Variants in DCLK1 observed in about 807,000 individuals in gnomAD.
The protein encoded by DCLK1 is doublecortin like kinase 1.
Under a neutral mutation model 86.2 loss-of-function variants are expected in DCLK1, and 16 were observed. The ratio of observed to expected loss-of-function variants is 0.19; its 90% confidence interval spans 0.13 to 0.28. The LOEUF is 0.28. Among genes scored for constraint, DCLK1 ranks in the 10% least tolerant of loss-of-function variants. DCLK1 has a pLI of 1.00. For missense variants in DCLK1, 590 were observed against 940.2 expected, an observed-to-expected ratio of 0.63 and a Z score of 4.87; for synonymous variants, 369 against 370.5, an observed-to-expected ratio of 1.00 and a Z score of 0.05.
At chr13:35,807,006 A>G (rs955101524) in intron 14 of DCLK1, among the ~76,000 whole-genome samples, 1 of 152,230 alleles carries the variant, frequency 6.6e-6, no homozygotes, top group African/African-American at 2.4e-5. Context: ...ACAAAAGCAA[A>G]GGCATAAACA....
chr13:35,790,537 G>T (rs562664712), intron 16 of DCLK1, among the ~76,000 whole-genome samples: 1 of 152,252 alleles, frequency 6.6e-6, no homozygotes, highest in South Asian at 2.1e-4. Context: ...GGTAAAGGCG[G>T]TTTAAAATAC....
At position 36,073,246 on chromosome 13, in the gene DCLK1, C is replaced by A. The variant is rs140003247; in HGVS notation, c.723+38623G>T. 3.7e-3 allele frequency among the ~76,000 whole-genome samples: 558 copies of A among 152,298 alleles called. 14 individuals carry two copies. Among genetic ancestry groups the A allele is most frequent in the Admixed American group, 0.033 (508 of 15,300 alleles). On this transcript the variant is annotated intron_variant, in intron 3 of 16. Coordinates refer to ENST00000360631, the MANE Select transcript of DCLK1 (RefSeq NM_001330071.2). ...TCATGCCTGTTTGCAGTCATGCTAT[C>A]CTCCTACGTCCAGCCCCAGACAACC...
At chr13:35,945,180 G>T (rs746727987) in intron 4 of DCLK1, among the ~76,000 whole-genome samples, 1 of 152,146 alleles carries the variant, frequency 6.6e-6, no homozygotes, top group African/African-American at 2.4e-5. Context: ...GTTTACAGGC[G>T]TGAGCCACTG....
chr13:35,834,396 T>C (rs910133047), intron 8 of DCLK1, among the ~76,000 whole-genome samples: 3 of 151,992 alleles, frequency 2.0e-5, no homozygotes, highest in African/African-American at 7.2e-5. Context: ...ATTAGTGGAG[T>C]AAAGTGGTTA....
chr13:35,824,698 T>C (rs952186631), intron 10 of DCLK1, among the ~76,000 whole-genome samples: 3 of 152,162 alleles, frequency 2.0e-5, no homozygotes, highest in Non-Finnish European at 2.9e-5. Flanking sequence ...TTCCCACACA[T>C]TATGTCGCTA....
intron 2 of DCLK1, among the ~76,000 whole-genome samples, chr13:36,122,555 T>TA (rs1886028381): frequency 3.9e-5 from 6 of 152,234 alleles, no homozygotes; most frequent in Admixed American, 3.9e-4. Flanking sequence ...TCAAAGGCTT[T>TA]AAATGTGACA....
At chr13:35,986,234 G>A (rs1015075418) in intron 3 of DCLK1, among the ~76,000 whole-genome samples, 1 of 145,062 alleles carries the variant, frequency 6.9e-6, no homozygotes. Context: ...CCTGGGAGTC[G>A]GAGGTTGCAG....
intron 6 of DCLK1, chr13:35,846,287 GA>G (rs1870169856): frequency 6.1e-6 from 6 of 984,962 alleles, no homozygotes; most frequent in Non-Finnish European, 7.2e-6. Context: ...AGAGTTCTTA[GA>G]AAAAATAAAC....
chr13:35,825,030 T>C lies in DCLK1; in HGVS notation c.1408-2155A>G, dbSNP rs552494941. Among the ~76,000 whole-genome samples, 8 of 152,254 alleles carry C rather than the reference T, an allele frequency of 5.3e-5. No homozygotes were observed. The East Asian group carries it at 1.4e-3, about 26-fold the overall frequency. On this transcript the variant is annotated intron_variant, in intron 10 of 16. Coordinates refer to ENST00000360631, the MANE Select transcript of DCLK1 (RefSeq NM_001330071.2). ...CGAGGCCTGCCTTCCTCTGAACACA[T>C]AGGCAGCCTGCGTGTGCACCGCCTC...
At chr13:36,007,421 T>A (rs555550334) in intron 3 of DCLK1, among the ~76,000 whole-genome samples, 12 of 152,312 alleles carry the variant, frequency 7.9e-5, no homozygotes, top group African/African-American at 2.6e-4. Flanking sequence ...AGTCTTGAAT[T>A]TGCAAAATCT....
intron 2 of DCLK1, among the ~76,000 whole-genome samples, chr13:36,122,961 C>T (rs1009729614): frequency 6.6e-6 from 1 of 152,168 alleles, no homozygotes; most frequent in Non-Finnish European, 1.5e-5. Flanking sequence ...AAAACAGTGA[C>T]AGTGACCACA....
At chr13:35,896,840 T>C (rs1052512498) in intron 4 of DCLK1, among the ~76,000 whole-genome samples, 1 of 151,996 alleles carries the variant, frequency 6.6e-6, no homozygotes, top group African/African-American at 2.4e-5. Flanking sequence ...GACAGAGGTG[T>C]GTGGAGGGGG....
chr13:36,087,422 C>G (rs1884647690), intron 3 of DCLK1, among the ~76,000 whole-genome samples: 1 of 152,172 alleles, frequency 6.6e-6, no homozygotes, highest in Non-Finnish European at 1.5e-5. Context: ...GCAAAGGAGT[C>G]TGTGATCTTT....
At chr13:35,923,007 C>A (rs1327724768) in intron 4 of DCLK1, among the ~76,000 whole-genome samples, 1 of 152,186 alleles carries the variant, frequency 6.6e-6, no homozygotes, top group Non-Finnish European at 1.5e-5. Flanking sequence ...TCCTGGTTAC[C>A]TTTCCTTGTT....
rs184991455 is a variant in DCLK1 at position 35,956,357 on chromosome 13, T to A, written c.724-8900A>T. On this transcript the variant is annotated intron_variant, in intron 3 of 16. Coordinates refer to ENST00000360631, the MANE Select transcript of DCLK1 (RefSeq NM_001330071.2). The stretch of plus-strand genomic sequence containing the variant: ...GCTGAGAGGCAAACTTATATTCTAT[T>A]GCACAAAAGATTCATGCAAGTAGGT... Among the ~76,000 whole-genome samples, 323 of 152,330 alleles carry A rather than the reference T, an allele frequency of 2.1e-3. 3 individuals carry two copies. The highest frequency in any genetic ancestry group is 2.9e-3 in the South Asian group (14 of 4,830).
intron 4 of DCLK1, among the ~76,000 whole-genome samples, chr13:35,926,058 C>CTT (rs71797601): frequency 1.6e-4 from 23 of 144,160 alleles, no homozygotes; most frequent in African/African-American, 3.8e-4. Context: ...CAAATGTAAT[C>CTT]TTTTTTTTTT....
intron 4 of DCLK1, among the ~76,000 whole-genome samples, chr13:35,892,028 T>C (rs144224518): frequency 1.4e-3 from 216 of 152,274 alleles, no homozygotes; most frequent in African/African-American, 4.9e-3. Flanking sequence ...TGGTAAATAG[T>C]CTTGAATGAT....
At position 35,773,349 on chromosome 13, in the gene DCLK1, T is replaced by C. The variant is rs2086367241; in HGVS notation, c.*1186A>G. ...TATCCTCAGGGGTATCATCTAGGTCTTTCATCCTGATCTTCCTAGGAGACT... is the reference window on the plus strand; with the variant it reads ...TATCCTCAGGGGTATCATCTAGGTCCTTCATCCTGATCTTCCTAGGAGACT... On this transcript the variant is annotated 3_prime_UTR_variant, in exon 17 of 17. Transcript: ENST00000360631. 1 of 152,222 alleles carries C rather than the reference T, an allele frequency of 6.6e-6. No individual in the cohort carries two copies. Among genetic ancestry groups the C allele is most frequent in the Non-Finnish European group, 1.5e-5 (1 of 68,006 alleles). 9.4% of individuals were successfully genotyped at this position (152,222 alleles called of 1,614,324 possible). A position where few individuals can be genotyped will look rare whatever the true frequency, so the allele number is the denominator to read the frequency against.
At chr13:36,015,472 G>C (rs1566646741) in intron 3 of DCLK1, among the ~76,000 whole-genome samples, 1 of 152,068 alleles carries the variant, frequency 6.6e-6, no homozygotes, top group Non-Finnish European at 1.5e-5. Context: ...GAAACAGAAG[G>C]CATTTAATAT....
Sources: allele counts gnomAD v4.1 joint callset (sites outside exome capture counted in the v4.1 genomes callset), GRCh38; gene constraint gnomAD v4.1.1; transcripts MANE v1.5; gene names NCBI Gene and HGNC (gene_info 2026-07-23, HGNC 2026-07-21).